Variants in ARHGAP6 observed in about 807,000 individuals in gnomAD.
ARHGAP6 encodes Rho GTPase activating protein 6.
Under a neutral mutation model 55.7 loss-of-function variants are expected in ARHGAP6, and 16 were observed. The observed-to-expected ratio is 0.29, with a 90% CI of 0.19 to 0.44. The LOEUF is 0.44. ARHGAP6 is among the 20% of genes least tolerant of loss of function. ARHGAP6 has a pLI of 1.00. For missense variants in ARHGAP6, 698 were observed against 808.9 expected (o/e 0.86, Z 1.66); for synonymous variants, 382 against 360.9 (o/e 1.06, Z -0.66).
At chrX:11,155,730 AC>A (rs1460964470) in intron 10 of ARHGAP6, among the ~76,000 whole-genome samples, 1 of 112,225 alleles carries the variant, frequency 8.9e-6, no homozygotes, top group Non-Finnish European at 1.9e-5. Flanking sequence ...CATAGCAACA[AC>A]TTTTCCTGTC....
chrX:11,660,552 A>ATC (rs2052689186), intron 1 of ARHGAP6, among the ~76,000 whole-genome samples: 1 of 65,605 alleles, frequency 1.5e-5, no homozygotes, highest in Non-Finnish European at 3.3e-5. Flanking sequence ...AAAAAAAAAA[A>ATC]AAAAAAAAAA....
At chrX:11,174,523 TTCCTTCCTTCCTTCC>T (rs1569240939) in intron 8 of ARHGAP6, among the ~76,000 whole-genome samples, 33 of 45,160 alleles carry the variant, frequency 7.3e-4, no homozygotes, top group African/African-American at 2.4e-3. Flanking sequence ...CTTTCTTTCC[TTCCTTCCTTCCTTCC>T]TTCCTTCCTT....
chrX:11,479,958 G>A (rs2050440075), intron 1 of ARHGAP6, among the ~76,000 whole-genome samples: 1 of 111,663 alleles, frequency 9.0e-6, no homozygotes, highest in African/African-American at 3.3e-5. Context: ...CTTAGGGTGG[G>A]AGCAGGATAC....
intron 1 of ARHGAP6, among the ~76,000 whole-genome samples, chrX:11,454,850 T>C (rs1475631783): frequency 8.9e-6 from 1 of 112,678 alleles, no homozygotes; most frequent in East Asian, 2.8e-4. Context: ...TGTTATTCAG[T>C]ATATACACCT....
chrX:11,587,214 A>G (rs2051745298), intron 1 of ARHGAP6, among the ~76,000 whole-genome samples: 1 of 111,447 alleles, frequency 9.0e-6, no homozygotes, highest in Non-Finnish European at 1.9e-5. Context: ...ACTATGTTGA[A>G]TAGGAGTGGT....
chrX:11,589,206 T>C (rs2051774106), intron 1 of ARHGAP6, among the ~76,000 whole-genome samples: 1 of 107,659 alleles, frequency 9.3e-6, no homozygotes, highest in Admixed American at 1.0e-4. Context: ...CACGCCCGGC[T>C]AATTTTTGTA....
At chrX:11,625,703 A>G (rs190705217) in intron 1 of ARHGAP6, among the ~76,000 whole-genome samples, 5 of 112,579 alleles carry the variant, frequency 4.4e-5, no homozygotes, top group Admixed American at 1.9e-4. Context: ...CCCAACACAA[A>G]TAAATGACAA....
intron 1 of ARHGAP6, among the ~76,000 whole-genome samples, chrX:11,574,843 A>T (rs941970232): frequency 1.7e-4 from 19 of 110,689 alleles, no homozygotes; most frequent in Non-Finnish European, 5.7e-5. Flanking sequence ...TCTCAGCCCA[A>T]AATCTCCTTA....
chrX:11,295,711 C>T (rs927219285), intron 1 of ARHGAP6, among the ~76,000 whole-genome samples: 20 of 111,764 alleles, frequency 1.8e-4, no homozygotes, highest in African/African-American at 6.5e-4. Flanking sequence ...CTCAGGGGTC[C>T]CTGCCTTACA....
At chrX:11,636,880 T>A (rs1162985156) in intron 1 of ARHGAP6, among the ~76,000 whole-genome samples, 3 of 111,586 alleles carry the variant, frequency 2.7e-5, no homozygotes, top group Non-Finnish European at 5.7e-5. Flanking sequence ...CTGGTAACCA[T>A]AAAATATGAA....
At chrX:11,597,299 A>G (rs1001239973) in intron 1 of ARHGAP6, among the ~76,000 whole-genome samples, 1 of 112,283 alleles carries the variant, frequency 8.9e-6, no homozygotes, top group African/African-American at 3.2e-5. Context: ...ACCTAAAGAG[A>G]AAAAGAAAAG....
chrX:11,296,771 T>C (rs1157644098), intron 1 of ARHGAP6: 1 of 1,208,097 alleles, frequency 8.3e-7, no homozygotes, highest in South Asian at 1.8e-5. Context: ...CCCTCCTCCC[T>C]GTAAAAGCTA....
intron 1 of ARHGAP6, among the ~76,000 whole-genome samples, chrX:11,261,057 A>T (rs1469450811): frequency 8.9e-6 from 1 of 111,924 alleles, no homozygotes; most frequent in Non-Finnish European, 1.9e-5. Context: ...CTAGGGACTA[A>T]TGAACCAGCC....
chrX:11,139,893 G>T (rs747503234), intron 12 of ARHGAP6, among the ~76,000 whole-genome samples: 1 of 112,132 alleles, frequency 8.9e-6, no homozygotes, highest in East Asian at 2.8e-4. Flanking sequence ...TTCCCTTCTT[G>T]TTCAATGCAA....
intron 1 of ARHGAP6, among the ~76,000 whole-genome samples, chrX:11,534,302 T>C (rs746475840): frequency 1.9e-4 from 21 of 111,664 alleles, no homozygotes; most frequent in African/African-American, 6.8e-4. Context: ...TCCCACTGTC[T>C]ACACTCTAGA....
chrX:11,452,807 G>A (rs1319187633), intron 1 of ARHGAP6, among the ~76,000 whole-genome samples: 2 of 111,147 alleles, frequency 1.8e-5, no homozygotes, highest in Non-Finnish European at 3.8e-5. Context: ...CTGGTCCCCT[G>A]GGCTTTGTCC....
intron 1 of ARHGAP6, among the ~76,000 whole-genome samples, chrX:11,259,942 A>G (rs1205698023): frequency 1.8e-5 from 2 of 111,839 alleles, no homozygotes; most frequent in African/African-American, 3.2e-5. Context: ...ACATGGTAAA[A>G]GGGACTTTGC....
chrX:11,548,369 G>T (rs758693203), intron 1 of ARHGAP6, among the ~76,000 whole-genome samples: 4 of 111,084 alleles, frequency 3.6e-5, no homozygotes, highest in African/African-American at 1.3e-4. Flanking sequence ...CTATCTAGAT[G>T]TAAGTTTGTA....
chrX:11,335,886 T>C, intron 1 of ARHGAP6: 1 of 182,556 alleles, frequency 5.5e-6, no homozygotes, highest in South Asian at 8.9e-5. Context: ...AGGACACGGC[T>C]GGAGTGGAGC....
Sources: allele counts gnomAD v4.1 joint callset (sites outside exome capture counted in the v4.1 genomes callset), GRCh38; gene constraint gnomAD v4.1.1; transcripts MANE v1.5; gene names NCBI Gene and HGNC (gene_info 2026-07-23, HGNC 2026-07-21).